The following COL5A2 variants were observed in gnomAD, a reference collection of about 807,000 sequenced individuals.
The protein encoded by COL5A2 is collagen alpha-2(V) chain.
COL5A2 carries 23 observed loss-of-function variants against 208.2 expected under a neutral mutation model. That is an observed-to-expected ratio of 0.11 (90% CI 0.08 to 0.16). The LOEUF is 0.16. COL5A2 is among the 10% of genes least tolerant of loss of function. The pLI, the probability that COL5A2 is intolerant of heterozygous loss-of-function variation, is 1.00. For synonymous variants in COL5A2, 625 were observed against 628.5 expected (o/e 0.99, Z 0.08); for missense variants, 1,590 against 1,956.4 (o/e 0.81, Z 3.53).
the COL5A2 span, among the ~76,000 whole-genome samples, chr2:189,425,990 T>C: frequency 6.6e-6 from 1 of 152,176 alleles, no homozygotes; most frequent in Non-Finnish European, 1.5e-5. Flanking sequence ...TCACCCAGTC[T>C]CAGATATTTC....
chr2:189,302,066 T>G, the COL5A2 span, among the ~76,000 whole-genome samples: 1 of 152,184 alleles, frequency 6.6e-6, no homozygotes, highest in African/African-American at 2.4e-5. Context: ...AATTTCATTA[T>G]GAAGATCCCA....
the COL5A2 span, among the ~76,000 whole-genome samples, chr2:189,361,377 T>G: frequency 6.6e-6 from 1 of 152,158 alleles, no homozygotes; most frequent in Non-Finnish European, 1.5e-5. Context: ...CTTTGTCTTT[T>G]TTATCATTCT....
At chr2:189,154,626 G>T (rs994985444) in intron 1 of COL5A2, among the ~76,000 whole-genome samples, 1 of 152,116 alleles carries the variant, frequency 6.6e-6, no homozygotes, top group Admixed American at 6.6e-5. Context: ...CCGTCAAAAT[G>T]AACCATAATT....
At chr2:189,405,178 A>T in the COL5A2 span, among the ~76,000 whole-genome samples, 1 of 152,204 alleles carries the variant, frequency 6.6e-6, no homozygotes, top group Non-Finnish European at 1.5e-5. Context: ...AATGAAAATA[A>T]ATAAACACAT....
the COL5A2 span, among the ~76,000 whole-genome samples, chr2:189,353,773 C>G: frequency 1.1e-4 from 16 of 152,152 alleles, no homozygotes; most frequent in Non-Finnish European, 1.6e-4. Flanking sequence ...ATTTGAATAC[C>G]GTTTTTTTCT....
At chr2:189,095,409 G>A (rs1322792520) in intron 6 of COL5A2, among the ~76,000 whole-genome samples, 1 of 152,080 alleles carries the variant, frequency 6.6e-6, no homozygotes, top group Non-Finnish European at 1.5e-5. Flanking sequence ...GAGAGGAACA[G>A]ATTTCCTACT....
intron 1 of COL5A2, 41 bp from the exon 2 acceptor site, chr2:189,110,490 T>C: frequency 6.4e-7 from 1 of 1,571,922 alleles, no homozygotes; most frequent in Non-Finnish European, 8.7e-7. Context: ...AATCTGAAAT[T>C]ATAGAATTGA....
chr2:189,066,246 T>C, intron 23 of COL5A2, 144 bp downstream of exon 23: 2 of 825,618 alleles, frequency 2.4e-6, no homozygotes, highest in East Asian at 4.9e-5. Flanking sequence ...CAGTTGGCTC[T>C]TTCTATTTGC....
At chr2:189,280,239 T>G in the COL5A2 span, among the ~76,000 whole-genome samples, 1 of 152,198 alleles carries the variant, frequency 6.6e-6, no homozygotes, top group East Asian at 1.9e-4. Context: ...AAGTTTAAAT[T>G]AGTTATTTTA....
chr2:189,359,785 T>C, the COL5A2 span, among the ~76,000 whole-genome samples: 2 of 152,282 alleles, frequency 1.3e-5, no homozygotes, highest in Non-Finnish European at 2.9e-5. Flanking sequence ...TTTTTCATGG[T>C]TCAATCTTGG....
intron 32 of COL5A2, 147 bp downstream of exon 32, chr2:189,058,701 TA>T: frequency 2.2e-6 from 2 of 904,794 alleles, no homozygotes; most frequent in South Asian, 3.1e-5. Flanking sequence ...GCTAGTTTCA[TA>T]GCACAAAATA....
At position 189,032,533 on chromosome 2, in the gene COL5A2, A is replaced by G. The variant is rs181581086; in HGVS notation, c.*1537T>C. The stretch of plus-strand genomic sequence containing the variant: ...AACCACTGACATGACAAAAGCGTGC[A>G]TTTAATTTGATGCTTTGCAGAGATA... On this transcript the variant is annotated 3_prime_UTR_variant, in exon 54 of 54. Coordinates refer to ENST00000374866, the MANE Select transcript of COL5A2 (RefSeq NM_000393.5). 6.6e-6 allele frequency: 1 copy of G among 152,290 alleles called. No homozygotes were observed. The highest frequency in any genetic ancestry group is 1.9e-4 in the East Asian group (1 of 5,180). The allele number at this position is 152,290 out of a possible 1,614,324, so 9.4% of individuals were successfully genotyped here. A position where few individuals can be genotyped will look rare whatever the true frequency, so the allele number is the denominator to read the frequency against.
the COL5A2 span, among the ~76,000 whole-genome samples, chr2:189,320,044 C>A: frequency 6.6e-6 from 1 of 152,326 alleles, no homozygotes; most frequent in South Asian, 2.1e-4. Flanking sequence ...TGCTGATATC[C>A]AGGCAAACAG....
chr2:189,045,403 T>A (rs928198848), intron 46 of COL5A2, among the ~76,000 whole-genome samples, 171 bp from the exon 47 acceptor site: 2 of 152,048 alleles, frequency 1.3e-5, no homozygotes, highest in African/African-American at 2.4e-5. Flanking sequence ...CAGGCAAATG[T>A]CCATGTGTAG....
chr2:189,040,001 C>T (rs1685525537), intron 50 of COL5A2, among the ~76,000 whole-genome samples: 1 of 152,128 alleles, frequency 6.6e-6, no homozygotes, highest in East Asian at 1.9e-4. Context: ...TATAAGATTA[C>T]ATGTCAATAA....
chr2:189,057,229 G>C, intron 34 of COL5A2, 91 bp downstream of exon 34: 2 of 884,474 alleles, frequency 2.3e-6, no homozygotes, highest in Non-Finnish European at 3.2e-6. Flanking sequence ...CAGGATGGTA[G>C]AAATAAAAGC....
At chr2:189,274,257 A>G in the COL5A2 span, among the ~76,000 whole-genome samples, 1 of 152,180 alleles carries the variant, frequency 6.6e-6, no homozygotes, top group Non-Finnish European at 1.5e-5. Context: ...CTGGTACGAC[A>G]CTGATAGAAA....
At chr2:189,244,262 G>A in the COL5A2 span, among the ~76,000 whole-genome samples, 1 of 152,146 alleles carries the variant, frequency 6.6e-6, no homozygotes, top group Admixed American at 6.6e-5. Flanking sequence ...TCAGGCTGCA[G>A]ATTTTGCAAA....
At chr2:189,371,699 G>T in the COL5A2 span, among the ~76,000 whole-genome samples, 1 of 152,176 alleles carries the variant, frequency 6.6e-6, no homozygotes, top group Non-Finnish European at 1.5e-5. Flanking sequence ...TCAGTGTGTG[G>T]CCTAGCTGCT....
Sources: allele counts gnomAD v4.1 joint callset (sites outside exome capture counted in the v4.1 genomes callset), GRCh38; gene constraint gnomAD v4.1.1; transcripts MANE v1.5; gene names NCBI Gene and HGNC (gene_info 2026-07-23, HGNC 2026-07-21).